ANKRD44: variants seen among roughly 807,000 people sequenced by gnomAD.
ANKRD44 encodes the protein serine/threonine-protein phosphatase 6 regulatory ankyrin repeat subunit B.
A neutral mutation model predicts 116.0 loss-of-function variants in ANKRD44; 35 were observed. The ratio of observed to expected loss-of-function variants is 0.30; its 90% CI spans 0.23 to 0.40. The LOEUF (loss-of-function observed/expected upper bound fraction) is 0.40. Ranked by LOEUF, ANKRD44 falls within the 10% of genes least tolerant of loss-of-function variation. The pLI, the probability that ANKRD44 is intolerant of heterozygous loss-of-function variation, is 1.00. For synonymous variants in ANKRD44, 435 were observed against 461.8 expected (o/e 0.94, Z 0.74); for missense variants, 1,014 against 1,242.6 (o/e 0.82, Z 2.77).
chr2:197,256,981 GAA>G (rs924707855), intron 1 of ANKRD44, among the ~76,000 whole-genome samples: 6 of 152,160 alleles, frequency 3.9e-5, no homozygotes, highest in Admixed American at 2.0e-4. Context: ...AGGAGGTACA[GAA>G]AAGAGAGAAG....
chr2:197,193,831 G>C (rs1489999808), intron 1 of ANKRD44, among the ~76,000 whole-genome samples: 1 of 152,100 alleles, frequency 6.6e-6, no homozygotes, highest in Non-Finnish European at 1.5e-5. Flanking sequence ...GCAGTGAGCC[G>C]AGATCGCGCC....
intron 1 of ANKRD44, among the ~76,000 whole-genome samples, chr2:197,193,714 C>T (rs1196526235): frequency 2.0e-5 from 3 of 151,924 alleles, no homozygotes; most frequent in Non-Finnish European, 4.4e-5. Flanking sequence ...CCCGTCTCTA[C>T]TAAAAATACA....
At chr2:197,223,227 G>T (rs1004300833) in intron 1 of ANKRD44, among the ~76,000 whole-genome samples, 6 of 152,078 alleles carry the variant, frequency 3.9e-5, no homozygotes, top group African/African-American at 1.5e-4. Context: ...AAACATTAAA[G>T]ATCCAAGCAA....
intron 9 of ANKRD44, among the ~76,000 whole-genome samples, chr2:197,106,960 T>C (rs1226895633): frequency 6.6e-6 from 1 of 151,890 alleles, no homozygotes; most frequent in Non-Finnish European, 1.5e-5. Context: ...CCATTTTCAT[T>C]TGAAAATTTT....
At chr2:197,160,041 T>C (rs1156571952) in intron 2 of ANKRD44, among the ~76,000 whole-genome samples, 1 of 152,162 alleles carries the variant, frequency 6.6e-6, no homozygotes, top group South Asian at 2.1e-4. Context: ...GCCTATATGA[T>C]AGACACACAC....
At position 197,095,711 on chromosome 2, in the gene ANKRD44, T is replaced by C. The variant is rs143129501; in HGVS notation, c.1100+4105A>G. ...GGCTTTGTGACTTTGAGCAGGTAAC[T>C]GAACCTCTCCGTGCCTCACTTACTT... On this transcript the variant is annotated intron_variant, in intron 10 of 27. Coordinates refer to ENST00000282272, the MANE Select transcript of ANKRD44 (RefSeq NM_001195144.2). Among the ~76,000 whole-genome samples the C allele has an allele frequency of 9.3e-3, 1,416 of 152,304 alleles. 7 individuals carry two copies. Among genetic ancestry groups the C allele is most frequent in the Middle Eastern group, 0.017 (5 of 294 alleles).
At chr2:197,091,191 G>A (rs2078035740) in intron 10 of ANKRD44, among the ~76,000 whole-genome samples, 1 of 152,212 alleles carries the variant, frequency 6.6e-6, no homozygotes, top group African/African-American at 2.4e-5. Context: ...GGGGCTTTGG[G>A]AGTTGCAGGC....
intron 2 of ANKRD44, among the ~76,000 whole-genome samples, chr2:197,153,190 A>G (rs2079699815): frequency 8.0e-6 from 1 of 125,716 alleles, no homozygotes; most frequent in African/African-American, 2.9e-5. Flanking sequence ...ACTCCACTGC[A>G]CCATCTTGCT....
chr2:197,054,758 G>T (rs1381905575), intron 16 of ANKRD44, among the ~76,000 whole-genome samples: 1 of 152,146 alleles, frequency 6.6e-6, no homozygotes, highest in Non-Finnish European at 1.5e-5. Context: ...GGTTCTTTTA[G>T]AATAATAATC....
intron 9 of ANKRD44, among the ~76,000 whole-genome samples, chr2:197,110,007 C>T (rs924871236): frequency 3.3e-5 from 5 of 151,048 alleles, no homozygotes; most frequent in South Asian, 2.1e-4. Context: ...GACAAAGTCT[C>T]GCTCTGTCAC....
chr2:197,017,073 T>C (rs2076406286), intron 17 of ANKRD44, among the ~76,000 whole-genome samples: 1 of 152,222 alleles, frequency 6.6e-6, no homozygotes, highest in Non-Finnish European at 1.5e-5. Context: ...GATTAAAGTT[T>C]GGTCATGCCC....
intron 21 of ANKRD44, among the ~76,000 whole-genome samples, chr2:196,975,936 A>G (rs936552281): frequency 6.6e-6 from 1 of 152,128 alleles, no homozygotes; most frequent in East Asian, 1.9e-4. Flanking sequence ...TCCTCAACAA[A>G]ATATTAGCAT....
At chr2:197,120,194 C>T (rs1043710991) in intron 8 of ANKRD44, among the ~76,000 whole-genome samples, 2 of 152,198 alleles carry the variant, frequency 1.3e-5, no homozygotes, top group South Asian at 2.1e-4. Context: ...CCCTACTACA[C>T]TGTAAGTTCC....
At chr2:197,158,263 G>C (rs1279826920) in intron 2 of ANKRD44, among the ~76,000 whole-genome samples, 1 of 152,128 alleles carries the variant, frequency 6.6e-6, no homozygotes, top group East Asian at 1.9e-4. Flanking sequence ...AGCATATTAA[G>C]AAGGAGTGTC....
At position 197,015,529 on chromosome 2, in the gene ANKRD44, C is replaced by A. The variant is rs181278722; in HGVS notation, c.1723-1817G>T. 2.8e-3 allele frequency: 1,352 copies of A among 481,734 alleles called. 26 individuals are homozygous for A. The South Asian group carries it at 0.032, about 11-fold the overall frequency. 29.8% of individuals were successfully genotyped at this position (481,734 alleles called of 1,614,324 possible). On this transcript the variant is annotated intron_variant, in intron 17 of 27. Coordinates refer to ENST00000282272, the MANE Select transcript of ANKRD44 (RefSeq NM_001195144.2). ...GCAGTCTGCTGGATTGCAGAGAGGT[C>A]GTGGAGGTGGATCTGGCAATTTTAT...
At chr2:197,122,868 A>C (rs2078889410) in intron 6 of ANKRD44, 76 bp from the exon 7 acceptor site, 2 of 1,533,770 alleles carry the variant, frequency 1.3e-6, no homozygotes, top group Admixed American at 3.8e-5. Context: ...CTAAATTATC[A>C]ACTATTAGCT....
At chr2:197,247,222 GC>G in intron 1 of ANKRD44, among the ~76,000 whole-genome samples, 1 of 152,174 alleles carries the variant, frequency 6.6e-6, no homozygotes, top group Non-Finnish European at 1.5e-5. Flanking sequence ...ACGCCAGGCA[GC>G]AAAGAGATCG....
At chr2:197,272,653 C>T (rs1391699083) in intron 1 of ANKRD44, among the ~76,000 whole-genome samples, 6 of 152,144 alleles carry the variant, frequency 3.9e-5, no homozygotes, top group African/African-American at 1.4e-4. Context: ...GAGAGTGGAG[C>T]CCTTAAAGTG....
intron 8 of ANKRD44, among the ~76,000 whole-genome samples, chr2:197,112,631 C>A (rs1244946739): frequency 6.6e-6 from 1 of 151,078 alleles, no homozygotes; most frequent in Non-Finnish European, 1.5e-5. Flanking sequence ...TGGCGTGAAC[C>A]CGGGAGGCGG....
Sources: allele counts gnomAD v4.1 joint callset (sites outside exome capture counted in the v4.1 genomes callset), GRCh38; gene constraint gnomAD v4.1.1; transcripts MANE v1.5; gene names NCBI Gene and HGNC (gene_info 2026-07-23, HGNC 2026-07-21).